The following CLVS1 variants were observed in gnomAD, a reference collection of about 807,000 sequenced individuals.
The protein encoded by CLVS1 is clavesin 1, also known as clavesin-1.
CLVS1 carries 10 observed loss-of-function variants against 33.1 expected under a neutral mutation model. That is an observed-to-expected ratio of 0.30 (90% CI 0.19 to 0.51). The LOEUF is 0.51. CLVS1 is among the 20% of genes least tolerant of loss of function. The pLI is 0.97. For missense variants in CLVS1, 343 were observed against 433.4 expected (o/e 0.79, Z 1.85); for synonymous variants, 163 against 166.1 (o/e 0.98, Z 0.14).
chr8:61,167,660 C>G lies in CLVS1; in HGVS notation c.-152+35800C>G, dbSNP rs541589121. On this transcript the variant is annotated intron_variant, in intron 2 of 2. Coordinates refer to the CLVS1 transcript ENST00000522621. ...GGCTGAAACTTACTGGGCTGCAATC[C>G]CAGATGGTTAAGGTATTCTAAGTCA... Among the ~76,000 whole-genome samples the G allele has an allele frequency of 2.0e-5, 3 of 152,184 alleles. No homozygotes were observed. The South Asian group carries it at 6.2e-4, about 32-fold the overall frequency.
At chr8:61,238,797 A>G (rs1808627106) in intron 2 of CLVS1, among the ~76,000 whole-genome samples, 1 of 152,240 alleles carries the variant, frequency 6.6e-6, no homozygotes, top group African/African-American at 2.4e-5. Context: ...TCAATCTGCT[A>G]TTGGAGCTAT....
chr8:61,063,201 G>A (rs577507525), intron 1 of CLVS1, among the ~76,000 whole-genome samples: 2 of 143,426 alleles, frequency 1.4e-5, no homozygotes, highest in Non-Finnish European at 3.1e-5. Context: ...ATAAATAAAC[G>A]AGTGCATTGA....
At chr8:61,165,477 C>CTT (rs1806844098) in intron 2 of CLVS1, among the ~76,000 whole-genome samples, 1 of 152,162 alleles carries the variant, frequency 6.6e-6, no homozygotes. Flanking sequence ...TTGGCTATTT[C>CTT]TTTACTTCCT....
At chr8:61,416,305 GATACATAC>G (rs61146034) in intron 3 of CLVS1, among the ~76,000 whole-genome samples, 1,239 of 107,176 alleles carry the variant, frequency 0.012, 18 homozygotes, top group African/African-American at 0.044. Context: ...TAGCTAGCTA[GATACATAC>G]ATACATACAT....
At chr8:61,414,307 A>C (rs1815344486) in intron 3 of CLVS1, among the ~76,000 whole-genome samples, 1 of 152,198 alleles carries the variant, frequency 6.6e-6, no homozygotes, top group Admixed American at 6.5e-5. Flanking sequence ...TCCGTGGCTG[A>C]AGTTGGATAT....
Position 61,489,136 on chromosome 8 carries a change from A to G in CLVS1, c.978-10319A>G, listed in dbSNP as rs73685062. Among the ~76,000 whole-genome samples the G allele has an allele frequency of 5.2e-3, 793 of 152,362 alleles. 3 individuals are homozygous for G. Among genetic ancestry groups the G allele is most frequent in the African/African-American group, 0.018 (764 of 41,582 alleles). On this transcript the variant is annotated intron_variant, in intron 5 of 5. Coordinates refer to ENST00000325897, the MANE Select transcript of CLVS1 (RefSeq NM_173519.3). ...TTCTTAGAAAACTTTTTTCTCAATAATGATCTATTTTTTATTTCATTTGCT... is the reference window on the plus strand; with the variant it reads ...TTCTTAGAAAACTTTTTTCTCAATAGTGATCTATTTTTTATTTCATTTGCT...
chr8:61,382,089 T>C (rs370688160), intron 3 of CLVS1, among the ~76,000 whole-genome samples: 1 of 152,178 alleles, frequency 6.6e-6, no homozygotes, highest in African/African-American at 2.4e-5. Flanking sequence ...AAACATGATA[T>C]GTTCACTTCT....
At chr8:60,996,593 A>T in the CLVS1 span, among the ~76,000 whole-genome samples, 1 of 152,166 alleles carries the variant, frequency 6.6e-6, no homozygotes, top group East Asian at 1.9e-4. Flanking sequence ...GGTAGCTGAG[A>T]CTGCTATTGG....
intron 2 of CLVS1, among the ~76,000 whole-genome samples, chr8:61,207,218 C>G (rs1448441158): frequency 2.0e-5 from 3 of 152,240 alleles, no homozygotes; most frequent in African/African-American, 4.8e-5. Context: ...AGTGAAGTTG[C>G]TTCTGAGCCA....
chr8:61,284,310 A>G (rs1809733412), upstream of CLVS1, among the ~76,000 whole-genome samples: 1 of 152,216 alleles, frequency 6.6e-6, no homozygotes, highest in Non-Finnish European at 1.5e-5. Flanking sequence ...CTGCTATAGC[A>G]GAATGACTAG....
chr8:61,404,225 A>G (rs1164916871), intron 3 of CLVS1, among the ~76,000 whole-genome samples: 1 of 152,186 alleles, frequency 6.6e-6, no homozygotes, highest in Admixed American at 6.5e-5. Context: ...CTGCAGCCAG[A>G]GTTGACATTT....
chr8:61,323,641 G>A (rs2931304), intron 2 of CLVS1, among the ~76,000 whole-genome samples: 1 of 151,086 alleles, frequency 6.6e-6, no homozygotes, highest in Non-Finnish European at 1.5e-5. Flanking sequence ...TGTCTTGAGA[G>A]CAGTAACTCT....
the CLVS1 span, among the ~76,000 whole-genome samples, chr8:60,981,494 G>A: frequency 1.3e-5 from 2 of 152,212 alleles, no homozygotes; most frequent in East Asian, 1.9e-4. Flanking sequence ...AGGAAGAAAC[G>A]TGGGGATCAC....
chr8:61,391,593 T>C (rs963268470), intron 3 of CLVS1, among the ~76,000 whole-genome samples: 5 of 152,228 alleles, frequency 3.3e-5, no homozygotes, highest in Admixed American at 1.3e-4. Context: ...GTTTAATGGA[T>C]AATATTAACA....
intron 2 of CLVS1, among the ~76,000 whole-genome samples, chr8:61,375,407 C>A (rs538014103): frequency 2.0e-5 from 3 of 151,972 alleles, no homozygotes; most frequent in Non-Finnish European, 4.4e-5. Flanking sequence ...CCCGCCACCA[C>A]GCCCAGCTAA....
At chr8:61,141,280 A>C (rs1806304059) in intron 2 of CLVS1, among the ~76,000 whole-genome samples, 1 of 152,172 alleles carries the variant, frequency 6.6e-6, no homozygotes, top group African/African-American at 2.4e-5. Context: ...AAAGGCCATA[A>C]AATAAACATT....
upstream of CLVS1, among the ~76,000 whole-genome samples, chr8:61,052,599 T>A (rs1804403679): frequency 6.6e-6 from 1 of 152,016 alleles, no homozygotes; most frequent in Non-Finnish European, 1.5e-5. Context: ...GCAAATGCCC[T>A]GAGGTATAAT....
chr8:61,064,118 T>A (rs951174299), intron 1 of CLVS1, among the ~76,000 whole-genome samples: 1 of 152,206 alleles, frequency 6.6e-6, no homozygotes, highest in Non-Finnish European at 1.5e-5. Flanking sequence ...TGTTTACCCA[T>A]CCACCTCTTG....
At chr8:61,375,896 T>C (rs2129601530) in intron 2 of CLVS1, among the ~76,000 whole-genome samples, 1 of 152,336 alleles carries the variant, frequency 6.6e-6, no homozygotes, top group South Asian at 2.1e-4. Flanking sequence ...GCATATATGA[T>C]GTGGAGGAAT....
Sources: gnomAD v4.1 joint callset for allele counts (sites outside exome capture counted in the v4.1 genomes callset) on GRCh38, gnomAD v4.1.1 for gene constraint, MANE v1.5 for transcripts, NCBI Gene and HGNC (gene_info 2026-07-23, HGNC 2026-07-21) for gene names.